Variants in UNC13C observed in about 807,000 individuals in gnomAD.
UNC13C encodes the protein unc-13 homolog C, also known as protein unc-13 homolog C.
Under a neutral mutation model 245.4 loss-of-function variants are expected in UNC13C, and 174 were observed. The observed-to-expected ratio is 0.71, with a 90% CI of 0.63 to 0.80. UNC13C has a LOEUF of 0.80. Among genes scored for constraint, UNC13C ranks in the 30% least tolerant of loss-of-function variants. The pLI is 0.00. For missense variants in UNC13C, 2,829 were observed against 2,602.9 expected (o/e 1.09, Z -1.89); for synonymous variants, 992 against 895.1 (o/e 1.11, Z -1.93).
intron 19 of UNC13C, among the ~76,000 whole-genome samples, chr15:54,471,095 C>T (rs577530720): frequency 6.6e-6 from 1 of 151,378 alleles, no homozygotes; most frequent in South Asian, 2.1e-4. Flanking sequence ...TTGATCTTCT[C>T]AAATTTGTTA....
At chr15:53,859,781 G>A in the UNC13C span, among the ~76,000 whole-genome samples, 8 of 152,198 alleles carry the variant, frequency 5.3e-5, no homozygotes, top group African/African-American at 1.9e-4. Context: ...CCAGATTCTT[G>A]GCTCCACGTC....
In UNC13C at chr15:54,627,657, C is replaced by T. The variant is rs1229214963; in HGVS notation, c.*544C>T. 1 of 152,582 alleles carries T rather than the reference C, an allele frequency of 6.6e-6. No individual in the cohort carries two copies. Among genetic ancestry groups the T allele is most frequent in the East Asian group, 1.9e-4 (1 of 5,196 alleles). The allele number at this position is 152,582 out of a possible 1,614,324, so 9.5% of individuals were successfully genotyped here. On this transcript the variant is annotated 3_prime_UTR_variant, in exon 33 of 33. Coordinates refer to ENST00000260323, the MANE Select transcript of UNC13C (RefSeq NM_001080534.3). ...AAGGTGGGAAATATTTTCTGCTGAC[C>T]AGTTTCCAACCTTTCTGAAATATCA...
intron 2 of UNC13C, among the ~76,000 whole-genome samples, chr15:54,122,636 A>G (rs1595882151): frequency 6.6e-6 from 1 of 152,000 alleles, no homozygotes; most frequent in Non-Finnish European, 1.5e-5. Context: ...CTTGTAGTCA[A>G]TTATCTTTGC....
At chr15:54,089,851 G>T (rs1160529274) in intron 2 of UNC13C, among the ~76,000 whole-genome samples, 1 of 152,166 alleles carries the variant, frequency 6.6e-6, no homozygotes, top group East Asian at 1.9e-4. Context: ...ATTCCTGAAT[G>T]TGAGGTTTGG....
rs58063301 is a variant in UNC13C at position 54,038,124 on chromosome 15, AT to A, written c.2983+22254del. ...CATATATATATATATATATATATAT[AT>A]TTTTTTTTTTTTTTTCCTGAGACAG... is the stretch of plus-strand genomic sequence containing the variant. On this transcript the variant is annotated intron_variant, in intron 2 of 32. Coordinates refer to ENST00000260323, the MANE Select transcript of UNC13C (RefSeq NM_001080534.3). Among the ~76,000 whole-genome samples the A allele has an allele frequency of 1.8e-3, 79 of 45,032 alleles. 3 individuals carry two copies. Among genetic ancestry groups the A allele is most frequent in the African/African-American group, 7.7e-3 (73 of 9,450 alleles). 29.5% of individuals were successfully genotyped at this position (45,032 alleles called of 152,430 possible).
chr15:54,530,010 T>C (rs1190649907), intron 25 of UNC13C, among the ~76,000 whole-genome samples: 1 of 152,170 alleles, frequency 6.6e-6, no homozygotes, highest in Non-Finnish European at 1.5e-5. Flanking sequence ...AAAACTGGTG[T>C]AGGGGATATA....
intron 4 of UNC13C, among the ~76,000 whole-genome samples, chr15:54,144,619 C>T (rs2032174282): frequency 6.6e-6 from 1 of 152,174 alleles, no homozygotes; most frequent in African/African-American, 2.4e-5. Context: ...TCTCAATTTA[C>T]ATGCCACATT....
At chr15:54,035,610 T>C (rs1277646748) in intron 2 of UNC13C, among the ~76,000 whole-genome samples, 1 of 152,138 alleles carries the variant, frequency 6.6e-6, no homozygotes, top group Non-Finnish European at 1.5e-5. Flanking sequence ...TTTGTCACTG[T>C]GGAGGTGACT....
At chr15:53,842,833 A>G in the UNC13C span, among the ~76,000 whole-genome samples, 6 of 151,338 alleles carry the variant, frequency 4.0e-5, no homozygotes, top group Non-Finnish European at 2.9e-5. Context: ...GGTTTCTATT[A>G]CTTGAAACTG....
intron 13 of UNC13C, among the ~76,000 whole-genome samples, chr15:54,305,880 A>G (rs915770479): frequency 1.3e-5 from 2 of 152,062 alleles, no homozygotes; most frequent in Non-Finnish European, 2.9e-5. Flanking sequence ...TTCTTTTGAT[A>G]TTTAAATACT....
At chr15:54,403,242 A>G (rs1275691489) in intron 18 of UNC13C, among the ~76,000 whole-genome samples, 4 of 152,084 alleles carry the variant, frequency 2.6e-5, no homozygotes, top group Admixed American at 6.6e-5. Flanking sequence ...GTCTTATGCA[A>G]TGCTGATTTC....
chr15:54,124,159 TCA>T (rs2030873000), intron 2 of UNC13C, among the ~76,000 whole-genome samples: 1 of 152,238 alleles, frequency 6.6e-6, no homozygotes, highest in Non-Finnish European at 1.5e-5. Context: ...CTATGATTAA[TCA>T]TATGTAGATT....
the UNC13C span, among the ~76,000 whole-genome samples, chr15:53,933,943 C>T: frequency 6.6e-6 from 1 of 152,118 alleles, no homozygotes; most frequent in African/African-American, 2.4e-5. Context: ...TTAATTGGCT[C>T]ATGGTTCTGC....
chr15:53,913,158 C>A, the UNC13C span: 1 of 152,222 alleles, frequency 6.6e-6, no homozygotes, highest in East Asian at 1.9e-4. Context: ...ACTTCTGATT[C>A]TCTTGCAGGT....
intron 19 of UNC13C, among the ~76,000 whole-genome samples, chr15:54,455,205 C>CTCTCTCTCTATATATATATATA (rs1388065398): frequency 5.3e-5 from 1 of 18,958 alleles, no homozygotes; most frequent in Non-Finnish European, 9.2e-5. Context: ...CTCTCTCTCT[C>CTCTCTCTCTATATATATATATA]TATATATATA....
chr15:54,203,737 CAT>C (rs897141278), intron 4 of UNC13C, among the ~76,000 whole-genome samples: 2 of 100,520 alleles, frequency 2.0e-5, no homozygotes, highest in African/African-American at 3.0e-5. Context: ...TACACATATA[CAT>C]ATATATGTAT....
intron 20 of UNC13C, among the ~76,000 whole-genome samples, chr15:54,494,941 C>G (rs905930579): frequency 6.6e-6 from 1 of 151,926 alleles, no homozygotes; most frequent in Non-Finnish European, 1.5e-5. Flanking sequence ...TACGCCCTAC[C>G]TGGATATTCA....
At chr15:54,382,977 C>G (rs958385764) in intron 17 of UNC13C, among the ~76,000 whole-genome samples, 1 of 152,124 alleles carries the variant, frequency 6.6e-6, no homozygotes, top group Non-Finnish European at 1.5e-5. Context: ...AAGCATACAA[C>G]TTACCAAGAT....
At chr15:54,176,871 A>G (rs926007267) in intron 4 of UNC13C, among the ~76,000 whole-genome samples, 18 of 152,114 alleles carry the variant, frequency 1.2e-4, no homozygotes, top group African/African-American at 4.3e-4. Flanking sequence ...TTATAATGCT[A>G]TAAAAGAAAC....
Sources: gnomAD v4.1 joint callset for allele counts (sites outside exome capture counted in the v4.1 genomes callset) on GRCh38, gnomAD v4.1.1 for gene constraint, MANE v1.5 for transcripts, NCBI Gene and HGNC (gene_info 2026-07-23, HGNC 2026-07-21) for gene names.